Variants in CLSTN2 observed in about 807,000 individuals in gnomAD.
CLSTN2 encodes the protein calsyntenin-2.
Under a neutral mutation model 101.2 loss-of-function variants are expected in CLSTN2, and 48 were observed. The observed-to-expected ratio is 0.47, with a 90% CI of 0.38 to 0.60. The LOEUF (loss-of-function observed/expected upper bound fraction) is 0.60. CLSTN2 is among the 20% of genes least tolerant of loss of function. CLSTN2 has a pLI of 0.00. For synonymous variants in CLSTN2, 481 were observed against 463.6 expected (o/e 1.04, Z -0.48); for missense variants, 1,160 against 1,238.2 (o/e 0.94, Z 0.95).
At chr3:140,108,555 T>A (rs2009100583) in intron 1 of CLSTN2, among the ~76,000 whole-genome samples, 1 of 152,208 alleles carries the variant, frequency 6.6e-6, no homozygotes, top group Non-Finnish European at 1.5e-5. Flanking sequence ...TTTTTGTTTT[T>A]TGTGTTTTTT....
At chr3:140,337,285 T>C (rs529300515) in intron 2 of CLSTN2, among the ~76,000 whole-genome samples, 6 of 152,376 alleles carry the variant, frequency 3.9e-5, no homozygotes, top group Non-Finnish European at 7.3e-5. Flanking sequence ...TAGTTCCTTC[T>C]GAGGGCTGTG....
intron 8 of CLSTN2, among the ~76,000 whole-genome samples, chr3:140,525,262 A>G (rs1700477034): frequency 6.6e-6 from 1 of 152,190 alleles, no homozygotes; most frequent in East Asian, 1.9e-4. Flanking sequence ...CAAAGATGAC[A>G]TTACAATCAA....
chr3:140,062,682 T>G (rs2008227546), intron 1 of CLSTN2, among the ~76,000 whole-genome samples: 1 of 152,234 alleles, frequency 6.6e-6, no homozygotes, highest in Non-Finnish European at 1.5e-5. Flanking sequence ...ATGTGACTAC[T>G]GTACCCCTGT....
chr3:140,139,459 T>C (rs1396084625), intron 1 of CLSTN2, among the ~76,000 whole-genome samples: 5 of 152,198 alleles, frequency 3.3e-5, no homozygotes, highest in Non-Finnish European at 7.3e-5. Context: ...CATGGTTCAA[T>C]AGTTCACAGC....
At chr3:140,377,042 A>AGAGAGAGAGGGTG (rs143529942) in intron 2 of CLSTN2, among the ~76,000 whole-genome samples, 1 of 149,688 alleles carries the variant, frequency 6.7e-6, no homozygotes, top group African/African-American at 2.5e-5. Context: ...GAGAGAGAGG[A>AGAGAGAGAGGGTG]TGTGTGTGTG....
At chr3:140,508,765 C>G (rs1044665126) in intron 8 of CLSTN2, 1 of 152,204 alleles carries the variant, frequency 6.6e-6, no homozygotes, top group Non-Finnish European at 1.5e-5. Flanking sequence ...GAATCTGTGC[C>G]CAGGGCCCTG....
At chr3:140,526,536 T>C (rs1300686987) in intron 8 of CLSTN2, among the ~76,000 whole-genome samples, 2 of 151,444 alleles carry the variant, frequency 1.3e-5, no homozygotes, top group Non-Finnish European at 2.9e-5. Flanking sequence ...AATACCAATG[T>C]CATTTTTTAC....
At chr3:140,065,205 C>A (rs2008278785) in intron 1 of CLSTN2, among the ~76,000 whole-genome samples, 2 of 152,230 alleles carry the variant, frequency 1.3e-5, no homozygotes, top group Non-Finnish European at 2.9e-5. Context: ...CCTGACTTCA[C>A]CTGCAAGGGC....
At chr3:140,340,790 G>T (rs2087484422) in intron 2 of CLSTN2, among the ~76,000 whole-genome samples, 1 of 152,152 alleles carries the variant, frequency 6.6e-6, no homozygotes. Context: ...ATTCCATTTA[G>T]CTGTCACGTC....
intron 4 of CLSTN2, among the ~76,000 whole-genome samples, chr3:140,413,296 GA>G (rs1288458947): frequency 2.0e-5 from 3 of 152,040 alleles, no homozygotes; most frequent in Non-Finnish European, 2.9e-5. Flanking sequence ...TATAACCTAG[GA>G]AAAATAGATA....
intron 2 of CLSTN2, among the ~76,000 whole-genome samples, chr3:140,248,045 C>T (rs1459657063): frequency 6.6e-6 from 1 of 152,166 alleles, no homozygotes; most frequent in African/African-American, 2.4e-5. Context: ...AATGCCAGTA[C>T]ATTTCAGACC....
chr3:140,562,092 T>G, intron 12 of CLSTN2, 46 bp from the exon 13 acceptor site: 10 of 1,578,550 alleles, frequency 6.3e-6, no homozygotes, highest in African/African-American at 1.3e-5. Context: ...GGCTGTTTTC[T>G]GAGCTGTCCT....
chr3:140,006,362 G>A lies in CLSTN2; in HGVS notation c.109+70879G>A, dbSNP rs188157133. On this transcript the variant is annotated intron_variant, in intron 1 of 16. Coordinates refer to ENST00000458420, the MANE Select transcript of CLSTN2 (RefSeq NM_022131.3). ...AATCTTATGAAAAATTCAAAGCCTG[G>A]GTTCTAAAACACCTACCAGGCTTTC... 1.7e-3 allele frequency among the ~76,000 whole-genome samples: 257 copies of A among 152,232 alleles called. 3 individuals carry two copies. Among genetic ancestry groups the A allele is most frequent in the Non-Finnish European group, 6.0e-4 (41 of 68,020 alleles).
intron 2 of CLSTN2, among the ~76,000 whole-genome samples, chr3:140,336,621 T>C (rs1363143867): frequency 6.6e-6 from 1 of 152,184 alleles, no homozygotes; most frequent in Non-Finnish European, 1.5e-5. Flanking sequence ...GTTGGGAACT[T>C]ACCCTCTGCC....
At chr3:140,144,076 G>T (rs777529919) in intron 1 of CLSTN2, among the ~76,000 whole-genome samples, 2 of 152,206 alleles carry the variant, frequency 1.3e-5, no homozygotes, top group Non-Finnish European at 2.9e-5. Context: ...GCTAGCAAGA[G>T]CCTCCCAAAT....
chr3:140,515,685 CT>C (rs1934904883), intron 8 of CLSTN2, among the ~76,000 whole-genome samples: 1 of 151,940 alleles, frequency 6.6e-6, no homozygotes, highest in Non-Finnish European at 1.5e-5. Context: ...TTTGAGGGTT[CT>C]TTTTGGAGTT....
intron 8 of CLSTN2, among the ~76,000 whole-genome samples, chr3:140,517,607 A>G (rs56312033): frequency 2.0e-5 from 3 of 152,064 alleles, no homozygotes; most frequent in Non-Finnish European, 4.4e-5. Context: ...CTAGCCACCC[A>G]GCAGAACTAC....
chr3:140,360,027 CAT>C (rs58715111), intron 2 of CLSTN2, among the ~76,000 whole-genome samples: 16 of 145,398 alleles, frequency 1.1e-4, no homozygotes, highest in African/African-American at 3.8e-4. Flanking sequence ...CACACACACA[CAT>C]ATATATATAT....
chr3:140,565,123 T>A (rs1239670653), intron 16 of CLSTN2, among the ~76,000 whole-genome samples: 1 of 152,194 alleles, frequency 6.6e-6, no homozygotes, highest in Non-Finnish European at 1.5e-5. Context: ...AAGACCACTA[T>A]ACCTGGAGCA....
Sources: allele counts gnomAD v4.1 joint callset (sites outside exome capture counted in the v4.1 genomes callset), GRCh38; gene constraint gnomAD v4.1.1; transcripts MANE v1.5; gene names NCBI Gene and HGNC (gene_info 2026-07-23, HGNC 2026-07-21).